Variants in TENM4 observed in about 807,000 individuals in gnomAD.
TENM4 encodes teneurin transmembrane protein 4, also known as teneurin-4.
A neutral mutation model predicts 243.3 loss-of-function variants in TENM4; 82 were observed. That is an observed-to-expected ratio of 0.34 (90% CI 0.28 to 0.40). The LOEUF (loss-of-function observed/expected upper bound fraction) is 0.40. Among genes scored for constraint, TENM4 ranks in the 10% least tolerant of loss-of-function variants. The pLI, the probability that TENM4 is intolerant of heterozygous loss-of-function variation, is 1.00. For missense variants in TENM4, 3,138 were observed against 3,673.3 expected (o/e 0.85, Z 3.77); for synonymous variants, 1,412 against 1,456.3 (o/e 0.97, Z 0.69).
chr11:78,891,889 C>T (rs1405705948), intron 7 of TENM4, among the ~76,000 whole-genome samples: 1 of 152,130 alleles, frequency 6.6e-6, no homozygotes, highest in African/African-American at 2.4e-5. Context: ...GCATTTTTGG[C>T]CACTGTCTTC....
chr11:79,130,235 A>C lies in TENM4; in HGVS notation c.-66+18475T>G, dbSNP rs550818754. Among the ~76,000 whole-genome samples the C allele has an allele frequency of 3.3e-5, 5 of 152,284 alleles. No homozygotes were observed. In the South Asian group the frequency reaches 1.0e-3, roughly 32 times the overall value. On this transcript the variant is annotated intron_variant, in intron 4 of 33. Coordinates refer to ENST00000278550, the MANE Select transcript of TENM4 (RefSeq NM_001098816.3). ...CCCTGTGGGACAAAAGAATCTGAAC[A>C]ACAGCCTCCAGCCCAAGATCTTCCC...
chr11:79,284,813 C>T (rs1030587321), intron 2 of TENM4, among the ~76,000 whole-genome samples: 1 of 152,010 alleles, frequency 6.6e-6, no homozygotes, highest in African/African-American at 2.4e-5. Context: ...ACAATTGTAT[C>T]CAGAATATAT....
chr11:78,899,886 T>G (rs1197986950), intron 7 of TENM4, among the ~76,000 whole-genome samples: 1 of 152,230 alleles, frequency 6.6e-6, no homozygotes, highest in Non-Finnish European at 1.5e-5. Context: ...TCTGCAGAAC[T>G]GTAAGCCAAA....
intron 3 of TENM4, among the ~76,000 whole-genome samples, chr11:79,193,971 G>A (rs550435835): frequency 6.6e-5 from 10 of 152,208 alleles, no homozygotes; most frequent in African/African-American, 2.4e-4. Flanking sequence ...CCAAATCTCA[G>A]TTTGAATTGT....
At chr11:79,435,617 T>C (rs1859257087) in intron 1 of TENM4, among the ~76,000 whole-genome samples, 1 of 152,248 alleles carries the variant, frequency 6.6e-6, no homozygotes, top group African/African-American at 2.4e-5. Flanking sequence ...GAGAAGTTAC[T>C]GGGACAGGAA....
intron 6 of TENM4, among the ~76,000 whole-genome samples, chr11:79,006,001 A>AT (rs959924480): frequency 1.3e-5 from 2 of 152,192 alleles, no homozygotes; most frequent in African/African-American, 2.4e-5. Context: ...CACACAAAGT[A>AT]TTTTTTTCAC....
At chr11:79,329,426 T>C (rs929902044) in intron 1 of TENM4, among the ~76,000 whole-genome samples, 2 of 152,200 alleles carry the variant, frequency 1.3e-5, no homozygotes, top group African/African-American at 2.4e-5. Flanking sequence ...ACTGGCAATA[T>C]AGAGCTTTTG....
chr11:79,000,435 A>C (rs1238648402), intron 6 of TENM4, among the ~76,000 whole-genome samples: 1 of 145,162 alleles, frequency 6.9e-6, no homozygotes, highest in African/African-American at 2.8e-5. Context: ...AACACTGTAT[A>C]GTTAGGTTTA....
At chr11:78,889,476 C>G (rs1855614656) in intron 9 of TENM4, among the ~76,000 whole-genome samples, 1 of 152,190 alleles carries the variant, frequency 6.6e-6, no homozygotes, top group South Asian at 2.1e-4. Context: ...GCCATAGATC[C>G]CCATCTCAAA....
chr11:79,060,905 C>G (rs1368583168), intron 6 of TENM4, among the ~76,000 whole-genome samples: 1 of 152,140 alleles, frequency 6.6e-6, no homozygotes, highest in Non-Finnish European at 1.5e-5. Flanking sequence ...TGGAACTGAG[C>G]CCTGTTCTGA....
chr11:78,752,605 A>G (rs1043342228), intron 19 of TENM4, among the ~76,000 whole-genome samples: 2 of 152,218 alleles, frequency 1.3e-5, no homozygotes, highest in African/African-American at 4.8e-5. Flanking sequence ...CATGGGGTGC[A>G]GGAGAATATG....
chr11:79,024,880 G>A (rs1241674298), intron 6 of TENM4, among the ~76,000 whole-genome samples: 1 of 152,212 alleles, frequency 6.6e-6, no homozygotes, highest in Non-Finnish European at 1.5e-5. Flanking sequence ...AGAAAGCAAT[G>A]GGTCTAGGCC....
rs755514528 is a variant in TENM4 at position 79,012,687 on chromosome 11, T to G, written c.493+52051A>C. 1.5e-3 allele frequency among the ~76,000 whole-genome samples: 235 copies of G among 152,168 alleles called. 4 individuals are homozygous for G. Among genetic ancestry groups the G allele is most frequent in the Non-Finnish European group, 2.7e-3 (183 of 68,028 alleles). On this transcript the variant is annotated intron_variant, in intron 6 of 33. Transcript: ENST00000278550. ...ATATAGGAGGAGGTACAGGATGATG[T>G]TTACTGAGTTTACAGCATATTCACC...
At chr11:79,304,527 T>C (rs1856596628) in intron 1 of TENM4, among the ~76,000 whole-genome samples, 1 of 152,218 alleles carries the variant, frequency 6.6e-6, no homozygotes, top group Non-Finnish European at 1.5e-5. Context: ...GATCAGGTCC[T>C]TGAAACATGC....
intron 30 of TENM4, among the ~76,000 whole-genome samples, chr11:78,674,139 G>C (rs1590930476): frequency 1.3e-5 from 2 of 152,242 alleles, no homozygotes. Flanking sequence ...GTGAAGGGGA[G>C]CTGTACCTTT....
chr11:78,729,281 T>C (rs2135868724), intron 22 of TENM4, 95 bp downstream of exon 22: 3 of 1,349,300 alleles, frequency 2.2e-6, no homozygotes, highest in East Asian at 2.5e-5. Flanking sequence ...GTATTTTTGA[T>C]CTGAGAAGAG....
chr11:78,908,617 C>G (rs1856116574), intron 6 of TENM4, among the ~76,000 whole-genome samples: 1 of 152,190 alleles, frequency 6.6e-6, no homozygotes, highest in African/African-American at 2.4e-5. Flanking sequence ...GCTCTAGTCG[C>G]AGGAGGGTGC....
intron 2 of TENM4, among the ~76,000 whole-genome samples, chr11:79,242,437 C>T (rs759719659): frequency 1.1e-4 from 16 of 152,138 alleles, no homozygotes; most frequent in Non-Finnish European, 2.1e-4. Flanking sequence ...ATCCGCAATC[C>T]TACCACTCAG....
At chr11:79,163,847 TACATATATACAC>T (rs1325748851) in intron 3 of TENM4, among the ~76,000 whole-genome samples, 3 of 145,968 alleles carry the variant, frequency 2.1e-5, no homozygotes, top group South Asian at 2.1e-4. Context: ...ATATTATATA[TACATATATACAC>T]ACATATATAC....
Sources: allele counts gnomAD v4.1 joint callset (sites outside exome capture counted in the v4.1 genomes callset), GRCh38; gene constraint gnomAD v4.1.1; transcripts MANE v1.5; gene names NCBI Gene and HGNC (gene_info 2026-07-23, HGNC 2026-07-21).